The following CAMK2G variants were observed in gnomAD, a reference collection of about 807,000 sequenced individuals.
The protein encoded by CAMK2G is calcium/calmodulin dependent protein kinase II gamma, also known as calcium/calmodulin-dependent protein kinase type II subunit gamma.
In CAMK2G, 23 loss-of-function variants were observed where a neutral mutation model predicts 88.7. That is an observed-to-expected ratio of 0.26 (90% CI 0.19 to 0.37). The LOEUF is 0.37. CAMK2G is among the 10% of genes least tolerant of loss of function. The pLI is 1.00. For synonymous variants in CAMK2G, 263 were observed against 294.8 expected, an observed-to-expected ratio of 0.89 and a Z score of 1.11; for missense variants, 476 against 780.8, an observed-to-expected ratio of 0.61 and a Z score of 4.65.
At chr10:73,862,096 G>A (rs1442211681) in intron 2 of CAMK2G, among the ~76,000 whole-genome samples, 4 of 152,172 alleles carry the variant, frequency 2.6e-5, no homozygotes, top group African/African-American at 4.8e-5. Flanking sequence ...ATCCAAGTGA[G>A]CTGCGTGGGT....
intron 2 of CAMK2G, among the ~76,000 whole-genome samples, chr10:73,866,078 C>G (rs1211318673): frequency 6.6e-6 from 1 of 152,146 alleles, no homozygotes; most frequent in Non-Finnish European, 1.5e-5. Flanking sequence ...AGCCTTTCCC[C>G]AGCAGCCTGC....
chr10:73,821,652 G>C (rs1193596356), intron 18 of CAMK2G, 30 bp downstream of exon 18: 1 of 1,585,998 alleles, frequency 6.3e-7, no homozygotes. Flanking sequence ...CACTGCTGGA[G>C]TCCTTCCCCC....
chr10:73,814,848 A>G (rs192099281), intron 22 of CAMK2G, 155 bp downstream of exon 22: 5 of 606,442 alleles, frequency 8.2e-6, no homozygotes, highest in Non-Finnish European at 1.2e-5. Flanking sequence ...CTGATTTCCA[A>G]GCATAACTTA....
chr10:73,815,384 C>T (rs1012348038), intron 21 of CAMK2G, 137 bp from the exon 22 acceptor site: 7 of 637,432 alleles, frequency 1.1e-5, no homozygotes, highest in African/African-American at 3.7e-5. Context: ...CCCCCACCCC[C>T]GAACCCCTGA....
intron 12 of CAMK2G, among the ~76,000 whole-genome samples, chr10:73,841,491 G>A (rs2093783308): frequency 6.6e-6 from 1 of 152,146 alleles, no homozygotes; most frequent in Non-Finnish European, 1.5e-5. Flanking sequence ...TTGGGGTGAG[G>A]GTGGGGGCAA....
At chr10:73,849,435 G>C in intron 5 of CAMK2G, 102 bp from the exon 6 acceptor site, 1 of 752,168 alleles carries the variant, frequency 1.3e-6, no homozygotes, top group Non-Finnish European at 2.3e-6. Flanking sequence ...AAGGGGCCAC[G>C]GATTCACAGA....
intron 3 of CAMK2G, among the ~76,000 whole-genome samples, chr10:73,855,809 G>A (rs1277628495): frequency 6.6e-6 from 1 of 152,260 alleles, no homozygotes; most frequent in African/African-American, 2.4e-5. Flanking sequence ...AGGAGGGATG[G>A]AGGAAGCTGT....
chr10:73,828,904 T>C (rs908378960), intron 14 of CAMK2G, among the ~76,000 whole-genome samples: 1 of 152,178 alleles, frequency 6.6e-6, no homozygotes, highest in Non-Finnish European at 1.5e-5. Context: ...CGCATCAAGA[T>C]GAAGACCACG....
chr10:73,872,205 G>A (rs746266866), intron 2 of CAMK2G, among the ~76,000 whole-genome samples: 3 of 152,226 alleles, frequency 2.0e-5, no homozygotes, highest in Non-Finnish European at 4.4e-5. Flanking sequence ...AGAGAGTGTA[G>A]GTTCAAGGTG....
chr10:73,831,262 G>A (rs558283186), intron 14 of CAMK2G, among the ~76,000 whole-genome samples: 5 of 152,146 alleles, frequency 3.3e-5, no homozygotes, highest in East Asian at 3.9e-4. Flanking sequence ...GCAATTGGCC[G>A]GGCACGGTGG....
At chr10:73,845,319 A>G (rs2094148269) in intron 10 of CAMK2G, among the ~76,000 whole-genome samples, 1 of 152,194 alleles carries the variant, frequency 6.6e-6, no homozygotes, top group South Asian at 2.1e-4. Flanking sequence ...GCAGTGGCTC[A>G]TGCCTGTAAT....
At chr10:73,816,833 A>G (rs767884053) in intron 21 of CAMK2G, 190 bp downstream of exon 21, 1 of 1,561,452 alleles carries the variant, frequency 6.4e-7, no homozygotes, top group South Asian at 1.1e-5. Flanking sequence ...CTTGGAGCTC[A>G]GGAGCAGGGC....
intron 10 of CAMK2G, among the ~76,000 whole-genome samples, chr10:73,844,356 G>T (rs2094063006): frequency 6.6e-6 from 1 of 151,818 alleles, no homozygotes; most frequent in South Asian, 2.1e-4. Flanking sequence ...CTCCCAAAGT[G>T]CTGGGACTAC....
chr10:73,832,463 C>T (rs577634019), intron 14 of CAMK2G, among the ~76,000 whole-genome samples: 76 of 152,176 alleles, frequency 5.0e-4, no homozygotes, highest in African/African-American at 1.8e-3. Context: ...CGCACCACCA[C>T]GCCCAGCTAA....
chr10:73,851,190 C>G (rs1170077809), intron 5 of CAMK2G, among the ~76,000 whole-genome samples: 1 of 152,248 alleles, frequency 6.6e-6, no homozygotes, highest in Non-Finnish European at 1.5e-5. Context: ...TGCACTCCCC[C>G]ACTCTCCAGA....
rs1247367628 is a variant in CAMK2G at position 73,812,799 on chromosome 10, G to A, written c.*1719C>T. 1.3e-5 allele frequency: 2 copies of A among 152,666 alleles called. No homozygotes were observed. Among genetic ancestry groups the A allele is most frequent in the African/African-American group, 4.8e-5 (2 of 41,470 alleles). 9.5% of individuals were successfully genotyped at this position (152,666 alleles called of 1,614,324 possible). A position where few individuals can be genotyped will look rare whatever the true frequency, so the allele number is the denominator to read the frequency against. Reference sequence around the variant, plus strand: ...GAATTCTAAGACCATTTGTCTTCAAGCCAGCAAAACGAAACCCTGTGGTGA... The same window carrying A: ...GAATTCTAAGACCATTTGTCTTCAAACCAGCAAAACGAAACCCTGTGGTGA... On this transcript the variant is annotated 3_prime_UTR_variant, in exon 23 of 23. Transcript: ENST00000423381.
At position 73,842,130 on chromosome 10, in the gene CAMK2G, A is replaced by T; in HGVS notation, c.946+39T>A. The stretch of plus-strand genomic sequence containing the variant: ...GCAACAGCCCATTCCTGATCCACTC[A>T]CCTCGGCATAATCAAAGTACACAGC... On this transcript the variant is annotated intron_variant, in intron 12 of 22. Coordinates refer to ENST00000423381, the MANE Select transcript of CAMK2G (RefSeq NM_001367534.1). The surrounding 1 kb of genome is among the most constrained non-coding windows in gnomAD (Gnocchi z 4.6). 6.4e-7 allele frequency: 1 copy of T among 1,562,856 alleles called. No homozygotes were observed. Among genetic ancestry groups the T allele is most frequent in the Non-Finnish European group, 8.8e-7 (1 of 1,133,162 alleles).
intron 14 of CAMK2G, among the ~76,000 whole-genome samples, chr10:73,833,752 C>G (rs1353940389): frequency 6.6e-6 from 1 of 151,660 alleles, no homozygotes; most frequent in Non-Finnish European, 1.5e-5. Context: ...GCGTGCACCA[C>G]CACTACTGGC....
Position 73,874,425 on chromosome 10 carries a change from C to A in CAMK2G, c.37G>T (p.Asp13Tyr). 1 of 1,518,376 alleles carries A rather than the reference C, an allele frequency of 6.6e-7. No homozygotes were observed. Among genetic ancestry groups the A allele is most frequent in the South Asian group, 1.2e-5 (1 of 82,536 alleles). The allele number at this position is 1,518,376 out of a possible 1,614,324, so 94.1% of individuals were successfully genotyped here. ...CCAAGCTCCTCGAAGAGCTGGTAGT[C>A]GTCGGTGAAACGGGTGCAGGTGGCG... ...TTATCTRFTD[D>Y]YQLFEELGKG... is the part of the protein sequence containing the mutation. The change falls in exon 1 of 23, where the codon GAC (aspartate) becomes TAC (tyrosine). Residue 13 changes from aspartate to tyrosine, a missense_variant. Asp to Tyr is a radical substitution (Grantham distance 160). Around this residue, in one of 3 missense-constraint regions of CAMK2G, gnomAD observed 34 missense variants for 28.7 expected, o/e 1.19. Coordinates refer to ENST00000423381, the MANE Select transcript of CAMK2G (RefSeq NM_001367534.1).
Sources: allele counts gnomAD v4.1 joint callset (sites outside exome capture counted in the v4.1 genomes callset), GRCh38; gene constraint gnomAD v4.1.1; regional missense constraint gnomAD v4.1.1; non-coding constraint Gnocchi (gnomAD v3.1); transcripts MANE v1.5; gene names NCBI Gene and HGNC (gene_info 2026-07-23, HGNC 2026-07-21).